MYL9: variants seen among roughly 807,000 people sequenced by gnomAD.
MYL9 encodes myosin regulatory light polypeptide 9.
A neutral mutation model predicts 12.8 loss-of-function variants in MYL9; 7 were observed. That is an observed-to-expected ratio of 0.55 (90% confidence interval 0.31 to 1.03). MYL9 has a LOEUF of 1.03. MYL9 is among the 50% of genes least tolerant of loss of function. MYL9 has a pLI of 0.05. For synonymous variants in MYL9, 81 were observed against 87.8 expected, an observed-to-expected ratio of 0.92 and a Z score of 0.43; for missense variants, 190 against 242.7, an observed-to-expected ratio of 0.78 and a Z score of 1.44.
intron 2 of MYL9, among the ~76,000 whole-genome samples, chr20:36,547,023 T>C (rs970706906): frequency 1.1e-4 from 16 of 152,168 alleles, no homozygotes; most frequent in Admixed American, 8.5e-4. Context: ...TCAGCTTCCA[T>C]GGCCATCCCA....
At chr20:36,542,919 C>T (rs533635452) in intron 1 of MYL9, among the ~76,000 whole-genome samples, 6 of 151,920 alleles carry the variant, frequency 3.9e-5, no homozygotes, top group Non-Finnish European at 7.4e-5. Context: ...GGGCTCAGAC[C>T]CAGCTGTGGG....
chr20:36,545,072 A>G lies in MYL9; in HGVS notation c.184+4A>G, dbSNP rs550213928. On this transcript the variant is annotated splice_donor_region_variant and intron_variant, in intron 2 of 3. Transcript: ENST00000279022. The stretch of plus-strand genomic sequence containing the variant: ...CACGACATGCTGGCCTCGCTGGGTG[A>G]GCTGGGACAGGGACAGGGGTGAGAT... 6.2e-7 allele frequency: 1 copy of G among 1,613,528 alleles called. No individual in the cohort carries two copies. Among genetic ancestry groups the G allele is most frequent in the Non-Finnish European group, 8.5e-7 (1 of 1,179,594 alleles).
chr20:36,543,911 GT>G (rs2038064962), intron 1 of MYL9, among the ~76,000 whole-genome samples: 1 of 152,164 alleles, frequency 6.6e-6, no homozygotes, highest in Non-Finnish European at 1.5e-5. Context: ...GGGTAGGATT[GT>G]GGGTCACAAG....
At chr20:36,548,245 G>A in intron 3 of MYL9, 52 bp downstream of exon 3, 1 of 1,546,362 alleles carries the variant, frequency 6.5e-7, no homozygotes. Context: ...CAGGGCCCAG[G>A]CATTCAGTGC....
Position 36,550,030 on chromosome 20 carries a change from C to A in MYL9, c.*781C>A. ...GGGCTCTGTGCTCAGCTGAGACCAG[C>A]AGGGGACAGGGGACGGAGGGAATGG... On this transcript the variant is annotated 3_prime_UTR_variant, in exon 4 of 4. Transcript: ENST00000279022. 6.6e-6 allele frequency: 1 copy of A among 152,488 alleles called. No individual in the cohort carries two copies. Among genetic ancestry groups the A allele is most frequent in the Non-Finnish European group, 1.5e-5 (1 of 68,192 alleles). 9.4% of individuals were successfully genotyped at this position (152,488 alleles called of 1,614,324 possible). A position where few individuals can be genotyped will look rare whatever the true frequency, so the allele number is the denominator to read the frequency against.
At chr20:36,547,557 G>A (rs1322345166) in intron 2 of MYL9, among the ~76,000 whole-genome samples, 2 of 152,206 alleles carry the variant, frequency 1.3e-5, no homozygotes, top group South Asian at 2.1e-4. Context: ...GCAAAGCACT[G>A]TGTCTGGACT....
Position 36,549,535 on chromosome 20 carries a change from G to A in MYL9, c.*286G>A. The A allele has an allele frequency of 3.0e-6, 1 of 335,576 alleles. No homozygotes were observed. The highest frequency in any genetic ancestry group is 5.5e-6 in the Non-Finnish European group (1 of 180,288). 20.8% of individuals were successfully genotyped at this position (335,576 alleles called of 1,614,324 possible). Reference sequence around the variant, plus strand: ...GCAGGACCTAGAGGCACCAAGGGAAGGCCCCATTCCGGGGCTGTTCCCCGA... The same window carrying A: ...GCAGGACCTAGAGGCACCAAGGGAAAGCCCCATTCCGGGGCTGTTCCCCGA... On this transcript the variant is annotated 3_prime_UTR_variant, in exon 4 of 4. Coordinates refer to ENST00000279022, the MANE Select transcript of MYL9 (RefSeq NM_006097.5).
chr20:36,549,251 C>T lies in MYL9; in HGVS notation c.*2C>T, dbSNP rs377264419. The T allele has an allele frequency of 1.3e-5, 21 of 1,608,144 alleles. No homozygotes were observed. The African/African-American group carries it at 2.4e-4, about 18-fold the overall frequency. On this transcript the variant is annotated 3_prime_UTR_variant, in exon 4 of 4. Coordinates refer to ENST00000279022, the MANE Select transcript of MYL9 (RefSeq NM_006097.5). The stretch of plus-strand genomic sequence containing the variant: ...GGCGCCAAGGATAAAGACGACTAGG[C>T]CACCCCAGCCCCCTGACACCCCAGC...
chr20:36,545,047 C>A lies in MYL9; in HGVS notation c.163C>A (p.His55Asn). ...TGGCTTCATTGACAAGGAGGACCTG[C>A]ACGACATGCTGGCCTCGCTGGGTGA... ...RDGFIDKEDL[H>N]DMLASLGKNP... Residue 55 changes from histidine to asparagine, a missense_variant, in exon 2 of 4, where the codon CAC becomes AAC. Physicochemically the swap from His to Asn is moderately conservative, Grantham distance 68. Transcript: ENST00000279022. 6.2e-7 allele frequency: 1 copy of A among 1,614,144 alleles called. No individual in the cohort carries two copies. Among genetic ancestry groups the A allele is most frequent in the Non-Finnish European group, 8.5e-7 (1 of 1,179,988 alleles).
At chr20:36,547,247 A>G (rs1047415474) in intron 2 of MYL9, among the ~76,000 whole-genome samples, 1 of 152,206 alleles carries the variant, frequency 6.6e-6, no homozygotes, top group Non-Finnish European at 1.5e-5. Context: ...AGCAAATATA[A>G]TAATAAGAAG....
At position 36,544,852 on chromosome 20, in the gene MYL9, C is replaced by G; in HGVS notation, c.-26-7C>G. The G allele has an allele frequency of 4.1e-6, 6 of 1,448,688 alleles. No homozygotes were observed. The highest frequency in any genetic ancestry group is 3.8e-6 in the Non-Finnish European group (4 of 1,050,680). 89.7% of individuals were successfully genotyped at this position (1,448,688 alleles called of 1,614,324 possible). On this transcript the variant is annotated splice_region_variant and splice_polypyrimidine_tract_variant and intron_variant, in intron 1 of 3. Transcript: ENST00000279022. ...CAGGGCCACCCAACCCCCACCCCTT[C>G]CTGCAGGGAAGCCCCACCCACCAGA...
intron 1 of MYL9, among the ~76,000 whole-genome samples, chr20:36,544,258 G>A (rs759265679): frequency 2.6e-5 from 4 of 152,172 alleles, no homozygotes; most frequent in Admixed American, 6.5e-5. Flanking sequence ...GGACAGGCGG[G>A]GGTTTGACTG....
At position 36,548,197 on chromosome 20, in the gene MYL9, C is replaced by T. The variant is rs928236066; in HGVS notation, c.346+4C>T. On this transcript the variant is annotated splice_donor_region_variant and intron_variant, in intron 3 of 3. Transcript: ENST00000279022. ...TGCTTCGACGAGGAAGCCTCAGGTC[C>T]GTGGCGCCCCCTACCACCACTCTGC... 9 of 1,602,704 alleles carry T rather than the reference C, an allele frequency of 5.6e-6. No individual in the cohort carries two copies. The highest frequency in any genetic ancestry group is 4.0e-5 in the African/African-American group (3 of 74,756).
At chr20:36,547,720 G>A (rs955942522) in intron 2 of MYL9, among the ~76,000 whole-genome samples, 2 of 152,238 alleles carry the variant, frequency 1.3e-5, no homozygotes, top group African/African-American at 4.8e-5. Context: ...GGTGGTGAAA[G>A]TTAAATGCAA....
chr20:36,543,364 G>T (rs901038326), intron 1 of MYL9, among the ~76,000 whole-genome samples: 2 of 152,218 alleles, frequency 1.3e-5, no homozygotes, highest in South Asian at 2.1e-4. Flanking sequence ...AGAGTCATGG[G>T]AGGAAGGCCT....
intron 2 of MYL9, 151 bp downstream of exon 2, chr20:36,545,219 CG>C (rs1233610778): frequency 1.0e-6 from 1 of 954,636 alleles, no homozygotes; most frequent in Non-Finnish European, 1.5e-6. Context: ...GAAACTGGGC[CG>C]GGCGCGGTGG....
chr20:36,549,100 C>A lies in MYL9; in HGVS notation c.370C>A (p.Arg124=). The A allele has an allele frequency of 1.2e-6, 2 of 1,613,276 alleles. No individual in the cohort carries two copies. The highest frequency in any genetic ancestry group is 1.7e-6 in the Non-Finnish European group (2 of 1,179,920). ...AGGTTTCATCCATGAGGACCACCTC[C>A]GGGAGCTGCTCACCACCATGGGTGA... is the stretch of plus-strand genomic sequence containing the variant. ...ASGFIHEDHL[R]ELLTTMGDRF... is the part of the protein sequence containing the mutation. Residue 124 remains arginine, a synonymous_variant, in exon 4 of 4, where the codon CGG becomes AGG. Coordinates refer to ENST00000279022, the MANE Select transcript of MYL9 (RefSeq NM_006097.5).
At chr20:36,542,440 T>C (rs1376359778) in intron 1 of MYL9, among the ~76,000 whole-genome samples, 2 of 152,052 alleles carry the variant, frequency 1.3e-5, no homozygotes, top group Non-Finnish European at 2.9e-5. Flanking sequence ...AGGCCAAGTA[T>C]CAGTGCTGAC....
chr20:36,548,040 C>A lies in MYL9; in HGVS notation c.193C>A (p.Pro65Thr). ...HDMLASLGKN[P>T]TDEYLEGMMS... ...CACCCCACCTGCCACAGGGAAGAAC[C>A]CCACAGACGAATACCTGGAGGGCAT... Residue 65 changes from proline to threonine, a missense_variant, in exon 3 of 4, where the codon CCC becomes ACC. Transcript: ENST00000279022. 6.2e-7 allele frequency: 1 copy of A among 1,608,444 alleles called. No homozygotes were observed. The highest frequency in any genetic ancestry group is 1.1e-5 in the South Asian group (1 of 90,524).
Sources: gnomAD v4.1 joint callset for allele counts (sites outside exome capture counted in the v4.1 genomes callset) on GRCh38, gnomAD v4.1.1 for gene constraint, MANE v1.5 for transcripts, NCBI Gene and HGNC (gene_info 2026-07-23, HGNC 2026-07-21) for gene names.